The following TENM1 variants were observed in gnomAD, a reference collection of about 807,000 sequenced individuals.
TENM1 encodes teneurin transmembrane protein 1.
Under a neutral mutation model 174.8 loss-of-function variants are expected in TENM1, and 35 were observed. The ratio of observed to expected loss-of-function variants is 0.20; its 90% CI spans 0.15 to 0.27. The LOEUF is 0.27. Ranked by LOEUF, TENM1 falls within the 10% of genes least tolerant of loss-of-function variation. The probability of loss-of-function intolerance (pLI) is 1.00; values close to 1 mark genes in which losing one functional copy is unlikely to be tolerated. For synonymous variants in TENM1, 781 were observed against 798.7 expected, an observed-to-expected ratio of 0.98 and a Z score of 0.37; for missense variants, 1,633 against 2,130.1, an observed-to-expected ratio of 0.77 and a Z score of 4.59.
At chrX:124,393,566 T>C (rs762820562) in intron 27 of TENM1, among the ~76,000 whole-genome samples, 1 of 112,275 alleles carries the variant, frequency 8.9e-6, no homozygotes, top group East Asian at 2.8e-4. Flanking sequence ...TTTTAAAATT[T>C]ATTTTATTTT....
the TENM1 span, among the ~76,000 whole-genome samples, chrX:125,114,138 G>A: frequency 1.8e-5 from 2 of 111,769 alleles, no homozygotes; most frequent in Admixed American, 1.9e-4. Flanking sequence ...CATGGAAACT[G>A]AACAACCTGT....
exon 32 of TENM1, chrX:124,380,568 A>G (rs1248840050): frequency 4.1e-6 from 5 of 1,207,074 alleles, no homozygotes; most frequent in Non-Finnish European, 5.6e-6. Flanking sequence ...TGTCTCATAA[A>G]GTGAATATTA....
At chrX:124,872,473 T>C (rs774043855) in intron 3 of TENM1, among the ~76,000 whole-genome samples, 3 of 111,645 alleles carry the variant, frequency 2.7e-5, no homozygotes, top group Non-Finnish European at 5.6e-5. Flanking sequence ...TCAAAATAAA[T>C]GAAAATTATT....
At chrX:124,969,324 G>T in the TENM1 span, among the ~76,000 whole-genome samples, 1 of 112,088 alleles carries the variant, frequency 8.9e-6, no homozygotes. Flanking sequence ...TCTGTGGCTT[G>T]CTCTTGTGCT....
chrX:124,527,155 T>A (rs2047993208), intron 16 of TENM1, among the ~76,000 whole-genome samples: 1 of 112,215 alleles, frequency 8.9e-6, no homozygotes, highest in East Asian at 2.8e-4. Context: ...GAGACATTCA[T>A]GAAAGTGTCT....
intron 1 of TENM1, among the ~76,000 whole-genome samples, chrX:124,932,150 C>T (rs1266421321): frequency 8.9e-6 from 1 of 111,800 alleles, no homozygotes; most frequent in Non-Finnish European, 1.9e-5. Context: ...GCTTTGTAAA[C>T]GTTCACAATG....
the TENM1 span, among the ~76,000 whole-genome samples, chrX:124,986,608 G>T: frequency 8.9e-6 from 1 of 111,800 alleles, no homozygotes. Context: ...ATGTGTCTCA[G>T]ATCTCTCAGA....
At chrX:124,529,033 G>T (rs1021568663) in intron 16 of TENM1, among the ~76,000 whole-genome samples, 1 of 111,408 alleles carries the variant, frequency 9.0e-6, no homozygotes, top group African/African-American at 3.3e-5. Flanking sequence ...GTGTGATAAA[G>T]CTCGAAGCCA....
At chrX:124,513,101 A>G (rs184831255) in intron 18 of TENM1, among the ~76,000 whole-genome samples, 279 of 112,173 alleles carry the variant, frequency 2.5e-3, no homozygotes, top group Non-Finnish European at 3.5e-3. Context: ...AAAATTTCTC[A>G]TCTTACAGTT....
intron 11 of TENM1, among the ~76,000 whole-genome samples, chrX:124,567,529 T>C (rs997419588): frequency 5.4e-5 from 6 of 111,957 alleles, no homozygotes; most frequent in African/African-American, 1.6e-4. Flanking sequence ...ATGGAATTCG[T>C]TGATGACTTT....
chrX:124,457,907 G>A, intron 22 of TENM1, among the ~76,000 whole-genome samples: 1 of 111,811 alleles, frequency 8.9e-6, no homozygotes, highest in Non-Finnish European at 1.9e-5. Context: ...GCTTTGGAAA[G>A]CAGTCATAAC....
At chrX:125,117,336 TGTGG>T in the TENM1 span, among the ~76,000 whole-genome samples, 2 of 109,937 alleles carry the variant, frequency 1.8e-5, no homozygotes, top group African/African-American at 6.6e-5. Flanking sequence ...ATAAAGAAAA[TGTGG>T]CACATCTACA....
intron 1 of TENM1, among the ~76,000 whole-genome samples, chrX:124,926,977 T>C (rs1284624230): frequency 2.7e-5 from 3 of 112,139 alleles, no homozygotes; most frequent in African/African-American, 9.7e-5. Flanking sequence ...CTGTGGATTA[T>C]TCTAGGTTTT....
At chrX:124,505,275 C>T (rs1236861201) in intron 18 of TENM1, among the ~76,000 whole-genome samples, 1 of 112,062 alleles carries the variant, frequency 8.9e-6, no homozygotes, top group Non-Finnish European at 1.9e-5. Context: ...AATGCAGACT[C>T]ATTTTAATAT....
chrX:124,857,134 T>G (rs762929316), intron 3 of TENM1, among the ~76,000 whole-genome samples: 18 of 110,863 alleles, frequency 1.6e-4, no homozygotes, highest in Non-Finnish European at 3.0e-4. Context: ...AGAGAAAAAT[T>G]TTTCTTAGGA....
At chrX:124,919,098 T>C (rs1186342767) in intron 1 of TENM1, among the ~76,000 whole-genome samples, 1 of 112,260 alleles carries the variant, frequency 8.9e-6, no homozygotes, top group Non-Finnish European at 1.9e-5. Context: ...AGCCTCGCTT[T>C]AGCCAAAGTT....
chrX:125,010,676 C>T, the TENM1 span, among the ~76,000 whole-genome samples: 872 of 108,480 alleles, frequency 8.0e-3, 7 homozygotes, highest in African/African-American at 0.028. Flanking sequence ...TAGCTGGGCG[C>T]GGTGGCGGGT....
the TENM1 span, among the ~76,000 whole-genome samples, chrX:125,062,648 A>G: frequency 4.4e-5 from 5 of 112,421 alleles, no homozygotes; most frequent in Admixed American, 3.8e-4. Context: ...ACCAGAAATA[A>G]TAACAGAATC....
At chrX:125,195,389 A>G in the TENM1 span, among the ~76,000 whole-genome samples, 3 of 112,344 alleles carry the variant, frequency 2.7e-5, no homozygotes, top group Non-Finnish European at 5.6e-5. Flanking sequence ...CATGTTTTAC[A>G]GAAGTAAATT....
Sources: allele counts gnomAD v4.1 joint callset (sites outside exome capture counted in the v4.1 genomes callset), GRCh38; gene constraint gnomAD v4.1.1; transcripts MANE v1.5; gene names NCBI Gene and HGNC (gene_info 2026-07-23, HGNC 2026-07-21).